Variants in CSTF3 observed in about 807,000 individuals in gnomAD.
The protein encoded by CSTF3 is CF-1 77 kDa subunit.
In CSTF3, 29 loss-of-function variants were observed where a neutral mutation model predicts 105.8. The ratio of observed to expected loss-of-function variants is 0.27; its 90% CI spans 0.20 to 0.37. The LOEUF (loss-of-function observed/expected upper bound fraction) is 0.37. Among genes scored for constraint, CSTF3 ranks in the 10% least tolerant of loss-of-function variants. The pLI, the probability that CSTF3 is intolerant of heterozygous loss-of-function variation, is 1.00. For missense variants in CSTF3, 357 were observed against 879.3 expected, an observed-to-expected ratio of 0.41 and a Z score of 7.51; for synonymous variants, 252 against 281.9, an observed-to-expected ratio of 0.89 and a Z score of 1.06.
chr11:33,158,378 T>C (rs1298949118), intron 1 of CSTF3, among the ~76,000 whole-genome samples: 1 of 152,166 alleles, frequency 6.6e-6, no homozygotes, highest in Non-Finnish European at 1.5e-5. Context: ...TCCATAGCGA[T>C]ACTTAATCTT....
chr11:33,103,869 T>G (rs1359747136), intron 8 of CSTF3, among the ~76,000 whole-genome samples: 3 of 152,206 alleles, frequency 2.0e-5, no homozygotes, highest in Non-Finnish European at 4.4e-5. Flanking sequence ...AGTCTTCCTC[T>G]GTCACCCAGG....
chr11:33,158,480 C>T (rs1357423230), intron 1 of CSTF3, among the ~76,000 whole-genome samples: 1 of 152,100 alleles, frequency 6.6e-6, no homozygotes, highest in Non-Finnish European at 1.5e-5. Context: ...AAAACAAAAC[C>T]ACCATTTGCT....
At chr11:33,100,099 G>A (rs1049518622) in intron 10 of CSTF3, among the ~76,000 whole-genome samples, 1 of 152,046 alleles carries the variant, frequency 6.6e-6, no homozygotes. Context: ...GCTCACATCT[G>A]TAATCCCAGC....
intron 3 of CSTF3, 104 bp downstream of exon 3, chr11:33,141,563 T>A (rs754175883): frequency 2.8e-6 from 4 of 1,434,862 alleles, no homozygotes; most frequent in Non-Finnish European, 3.6e-6. Flanking sequence ...GTAAGACACA[T>A]TTAAATCCTC....
At chr11:33,134,055 T>C (rs1855627505) in intron 3 of CSTF3, among the ~76,000 whole-genome samples, 1 of 152,176 alleles carries the variant, frequency 6.6e-6, no homozygotes, top group Non-Finnish European at 1.5e-5. Context: ...GTTCATAATA[T>C]ATTCAATGCA....
At chr11:33,132,987 C>T (rs1193174654) in intron 3 of CSTF3, among the ~76,000 whole-genome samples, 1 of 151,744 alleles carries the variant, frequency 6.6e-6, no homozygotes, top group Non-Finnish European at 1.5e-5. Context: ...CTTGAAGTAA[C>T]AATTTTTAAG....
At position 33,149,714 on chromosome 11, in the gene CSTF3, T is replaced by A. The variant is rs145795822; in HGVS notation, c.28-7728A>T. Reference sequence around the variant, plus strand: ...GTCTGGCCAAAATGGTGAAACCCCATCTCTACTAAAAATACAAAAATTGGC... The same window carrying A: ...GTCTGGCCAAAATGGTGAAACCCCAACTCTACTAAAAATACAAAAATTGGC... On this transcript the variant is annotated intron_variant, in intron 1 of 20. Transcript: ENST00000323959. Among the ~76,000 whole-genome samples the A allele has an allele frequency of 5.4e-3, 814 of 152,118 alleles. 7 individuals carry two copies. The highest frequency in any genetic ancestry group is 0.019 in the African/African-American group (778 of 41,492).
rs377132192 is a variant in CSTF3 at position 33,099,193 on chromosome 11, T to C, written c.937-43A>G. 4.5e-6 allele frequency: 7 copies of C among 1,555,274 alleles called. No individual in the cohort carries two copies. In the African/African-American group the frequency reaches 7.0e-5, roughly 16 times the overall value. ...AAGCTCATCTTCAATAATTTTAATA[T>C]AGTTGTGAGAGAATAAAATTAATAA... On this transcript the variant is annotated intron_variant, in intron 11 of 20. Coordinates refer to ENST00000323959, the MANE Select transcript of CSTF3 (RefSeq NM_001326.3). The surrounding 1 kb of genome is among the most constrained non-coding windows in gnomAD (Gnocchi z 4.1).
Position 33,106,411 on chromosome 11 carries a change from G to C in CSTF3, c.357-347C>G, listed in dbSNP as rs188875451. ...AGCCTGGGTGACAGAGCAAGACCCTGTCTCTAAAAAAAATTAAAAATAAAT... is the reference window on the plus strand; with the variant it reads ...AGCCTGGGTGACAGAGCAAGACCCTCTCTCTAAAAAAAATTAAAAATAAAT... On this transcript the variant is annotated intron_variant, in intron 5 of 20. Transcript: ENST00000323959. Among the ~76,000 whole-genome samples, 467 of 151,820 alleles carry C rather than the reference G, an allele frequency of 3.1e-3. 1 individual carries two copies. Among genetic ancestry groups the C allele is most frequent in the Non-Finnish European group, 5.4e-3 (368 of 67,956 alleles).
intron 15 of CSTF3, among the ~76,000 whole-genome samples, chr11:33,093,863 A>G (rs1855193335): frequency 6.6e-6 from 1 of 152,122 alleles, no homozygotes; most frequent in South Asian, 2.1e-4. Flanking sequence ...GCACGCCACC[A>G]TGCCCGGCTA....
chr11:33,085,327 C>T (rs767472958), intron 20 of CSTF3, 38 bp from the exon 21 acceptor site: 2 of 1,485,698 alleles, frequency 1.3e-6, no homozygotes, highest in Non-Finnish European at 1.8e-6. Flanking sequence ...AAACATATTC[C>T]ACTATGAAAG....
At chr11:33,092,727 T>C (rs1421720481) in intron 15 of CSTF3, among the ~76,000 whole-genome samples, 1 of 152,210 alleles carries the variant, frequency 6.6e-6, no homozygotes, top group Non-Finnish European at 1.5e-5. Flanking sequence ...TTTAAATACA[T>C]TGAACATGGA....
intron 5 of CSTF3, among the ~76,000 whole-genome samples, chr11:33,106,796 G>A (rs1221175757): frequency 6.6e-6 from 1 of 151,996 alleles, no homozygotes; most frequent in African/African-American, 2.4e-5. Flanking sequence ...CATTTAAGTT[G>A]CATAATTCTA....
chr11:33,124,175 T>C (rs891895460), intron 3 of CSTF3, among the ~76,000 whole-genome samples: 1 of 152,112 alleles, frequency 6.6e-6, no homozygotes, highest in Non-Finnish European at 1.5e-5. Flanking sequence ...AAACATAGTA[T>C]AATTTAAGCA....
intron 17 of CSTF3, among the ~76,000 whole-genome samples, chr11:33,088,695 A>G (rs1334749615): frequency 6.6e-6 from 1 of 151,916 alleles, no homozygotes; most frequent in Non-Finnish European, 1.5e-5. Context: ...TCACTAAAGT[A>G]GGCTCAGCTT....
At position 33,085,222 on chromosome 11, in the gene CSTF3, G is replaced by A. The variant is rs779170010; in HGVS notation, c.2019C>T (p.Pro673=). The A allele has an allele frequency of 1.5e-5, 24 of 1,604,608 alleles. No individual in the cohort carries two copies. The highest frequency in any genetic ancestry group is 1.3e-4 in the South Asian group (12 of 89,690). Reference sequence around the variant, plus strand: ...TGGTGAGTACTGCATTACTTTCCACGGGGCCGTTGCCTTCTACAGCTAGCT... The same window carrying A: ...TGGTGAGTACTGCATTACTTTCCACAGGGCCGTTGCCTTCTACAGCTAGCT... ...APELAVEGNG[P]VESNAVLTKA... is the part of the protein sequence containing the mutation. The change falls in exon 21 of 21, where the codon CCC becomes CCT. Residue 673 remains proline (P), a synonymous_variant. Transcript: ENST00000323959.
intron 17 of CSTF3, among the ~76,000 whole-genome samples, chr11:33,089,162 C>T (rs1165715936): frequency 1.3e-5 from 2 of 152,104 alleles, no homozygotes; most frequent in African/African-American, 4.8e-5. Flanking sequence ...GCCTGGGCAA[C>T]ATGGTGAAAC....
At chr11:33,098,597 C>T (rs530571469) in intron 13 of CSTF3, 93 bp downstream of exon 13, 5 of 777,720 alleles carry the variant, frequency 6.4e-6, no homozygotes, top group East Asian at 5.7e-5. Flanking sequence ...AACTATACAA[C>T]AAAAACAGTG....
intron 12 of CSTF3, 117 bp from the exon 13 acceptor site, chr11:33,098,881 A>G: frequency 1.5e-6 from 2 of 1,306,052 alleles, no homozygotes; most frequent in Non-Finnish European, 2.1e-6. Flanking sequence ...CATTGAGCAT[A>G]AATATAGTAT....
Sources: gnomAD v4.1 joint callset for allele counts (sites outside exome capture counted in the v4.1 genomes callset) on GRCh38, gnomAD v4.1.1 for gene constraint, Gnocchi (gnomAD v3.1) non-coding constraint, MANE v1.5 for transcripts, NCBI Gene and HGNC (gene_info 2026-07-23, HGNC 2026-07-21) for gene names.